Variants in IL1RAPL2 observed in about 807,000 individuals in gnomAD.
IL1RAPL2 encodes X-linked interleukin-1 receptor accessory protein-like 2.
In IL1RAPL2, 3 loss-of-function variants were observed where a neutral mutation model predicts 44.1. That is an observed-to-expected ratio of 0.07 (90% confidence interval 0.03 to 0.18). The LOEUF is 0.18. IL1RAPL2 is among the 10% of genes least tolerant of loss of function. The probability of loss-of-function intolerance (pLI) is 1.00; values close to 1 mark genes in which losing one functional copy is unlikely to be tolerated. For missense variants in IL1RAPL2, 391 were observed against 496.4 expected, an observed-to-expected ratio of 0.79 and a Z score of 2.02; for synonymous variants, 181 against 178.8, an observed-to-expected ratio of 1.01 and a Z score of -0.10.
chrX:104,910,224 C>T (rs1048000845), intron 2 of IL1RAPL2, among the ~76,000 whole-genome samples: 4 of 111,746 alleles, frequency 3.6e-5, no homozygotes, highest in Admixed American at 9.4e-5. Context: ...GCTCACGGTG[C>T]GCGCACCCAC....
intron 6 of IL1RAPL2, among the ~76,000 whole-genome samples, chrX:105,686,369 C>T (rs1320978158): frequency 3.8e-5 from 1 of 26,369 alleles, no homozygotes; most frequent in Non-Finnish European, 6.4e-5. Context: ...ATCTACCAAG[C>T]AAATGGAAAG....
At chrX:105,627,887 A>G (rs1229259195) in intron 6 of IL1RAPL2, among the ~76,000 whole-genome samples, 1 of 112,063 alleles carries the variant, frequency 8.9e-6, no homozygotes, top group Non-Finnish European at 1.9e-5. Flanking sequence ...GCCATTCTAC[A>G]TATGGCAGGT....
At chrX:105,328,497 T>C (rs2034959144) in intron 5 of IL1RAPL2, among the ~76,000 whole-genome samples, 1 of 111,814 alleles carries the variant, frequency 8.9e-6, no homozygotes, top group Non-Finnish European at 1.9e-5. Context: ...GGTTTTAACC[T>C]GTTAAGGTTT....
intron 2 of IL1RAPL2, among the ~76,000 whole-genome samples, chrX:104,925,351 CTA>C (rs1395941629): frequency 2.4e-4 from 27 of 110,355 alleles, no homozygotes; most frequent in African/African-American, 8.3e-4. Flanking sequence ...CCAACTCATT[CTA>C]TGAGGCCAGC....
intron 6 of IL1RAPL2, among the ~76,000 whole-genome samples, chrX:105,693,546 G>A (rs1035166928): frequency 7.1e-5 from 8 of 111,955 alleles, no homozygotes; most frequent in African/African-American, 2.6e-4. Flanking sequence ...GCAGATGCTG[G>A]TCCATGCTTG....
chrX:105,085,302 A>T (rs1348864225), intron 2 of IL1RAPL2, among the ~76,000 whole-genome samples: 1 of 112,458 alleles, frequency 8.9e-6, no homozygotes, highest in Non-Finnish European at 1.9e-5. Flanking sequence ...GCCAAAATAT[A>T]TAAGCAACTC....
At chrX:105,386,860 A>C (rs1437625722) in intron 5 of IL1RAPL2, among the ~76,000 whole-genome samples, 1 of 111,605 alleles carries the variant, frequency 9.0e-6, no homozygotes. Flanking sequence ...CTCTGCCATT[A>C]TTCTATTATA....
chrX:105,397,244 T>G (rs1268026887), intron 5 of IL1RAPL2, among the ~76,000 whole-genome samples: 1 of 110,762 alleles, frequency 9.0e-6, no homozygotes, highest in Admixed American at 9.7e-5. Context: ...ATAAACTACC[T>G]AATAAATGTA....
intron 2 of IL1RAPL2, among the ~76,000 whole-genome samples, chrX:104,918,371 CA>C (rs1228172034): frequency 2.7e-5 from 3 of 111,104 alleles, no homozygotes; most frequent in Non-Finnish European, 5.7e-5. Context: ...CCTCATTCAT[CA>C]ACAAGTGATC....
chrX:105,136,013 C>T (rs1043957170), intron 2 of IL1RAPL2, among the ~76,000 whole-genome samples: 2 of 111,919 alleles, frequency 1.8e-5, no homozygotes, highest in Non-Finnish European at 3.8e-5. Context: ...GCCAAGCAGG[C>T]AGTATCATTA....
In IL1RAPL2 at chrX:105,212,901, G is replaced by C. The variant is rs1438631320; in HGVS notation, c.356+17153G>C. On this transcript the variant is annotated intron_variant, in intron 3 of 10. Coordinates refer to ENST00000372582, the MANE Select transcript of IL1RAPL2 (RefSeq NM_017416.2). Reference sequence around the variant, plus strand: ...CAGAAGAGGGACGTGACTGTTAGAAGAAAAACTAACAAACAGAAACCAACA... The same window carrying C: ...CAGAAGAGGGACGTGACTGTTAGAACAAAAACTAACAAACAGAAACCAACA... Among the ~76,000 whole-genome samples, 3 of 112,096 alleles carry C rather than the reference G, an allele frequency of 2.7e-5. No homozygotes were observed. In the Admixed American group the frequency reaches 2.8e-4, roughly 11 times the overall value.
At chrX:105,653,510 C>T (rs1046150087) in intron 6 of IL1RAPL2, among the ~76,000 whole-genome samples, 2 of 109,651 alleles carry the variant, frequency 1.8e-5, no homozygotes, top group African/African-American at 6.6e-5. Flanking sequence ...TTCTTCCCTC[C>T]CTTCCTCCTT....
intron 2 of IL1RAPL2, among the ~76,000 whole-genome samples, chrX:104,710,295 T>C (rs1206385939): frequency 9.0e-6 from 1 of 111,423 alleles, no homozygotes; most frequent in Non-Finnish European, 1.9e-5. Flanking sequence ...AATGGAATAT[T>C]ATTTAGCCGT....
At chrX:104,891,633 C>T (rs1013686835) in intron 2 of IL1RAPL2, among the ~76,000 whole-genome samples, 2 of 111,983 alleles carry the variant, frequency 1.8e-5, no homozygotes, top group Non-Finnish European at 3.8e-5. Flanking sequence ...GTGATTTTTG[C>T]ACATTGATTT....
intron 2 of IL1RAPL2, among the ~76,000 whole-genome samples, chrX:105,011,942 T>A (rs1487940794): frequency 2.7e-5 from 3 of 111,183 alleles, no homozygotes; most frequent in African/African-American, 9.8e-5. Context: ...TAACTTCAGA[T>A]GCCCCTTAAA....
chrX:105,388,148 CAAAAAAAAAAAAAAAAAAAAAAAAAA>C lies in IL1RAPL2; in HGVS notation c.698-96150_698-96125del, dbSNP rs760730401. Among the ~76,000 whole-genome samples the C allele has an allele frequency of 3.7e-3, 20 of 5,386 alleles. 2 individuals carry two copies. Among genetic ancestry groups the C allele is most frequent in the Admixed American group, 8.0e-3 (2 of 249 alleles). 4.7% of individuals were successfully genotyped at this position (5,386 alleles called of 115,157 possible). On this transcript the variant is annotated intron_variant, in intron 5 of 10. Coordinates refer to ENST00000372582, the MANE Select transcript of IL1RAPL2 (RefSeq NM_017416.2). ...GGGCAACAAGAGCGAAACTCCATCT[CAAAAAAAAAAAAAAAAAAAAAAAAAA>C]AAAAAAAAAAAAAAGGATAATTGAA...
chrX:104,953,794 C>T (rs1925644438), intron 2 of IL1RAPL2, among the ~76,000 whole-genome samples: 1 of 111,834 alleles, frequency 8.9e-6, no homozygotes, highest in Non-Finnish European at 1.9e-5. Flanking sequence ...TTTAGTCACC[C>T]TAATCAACAA....
At chrX:105,427,638 T>C (rs926103027) in intron 5 of IL1RAPL2, among the ~76,000 whole-genome samples, 2 of 112,136 alleles carry the variant, frequency 1.8e-5, no homozygotes, top group African/African-American at 6.5e-5. Flanking sequence ...GGATCAAATC[T>C]GAAAGCGTAT....
intron 6 of IL1RAPL2, among the ~76,000 whole-genome samples, chrX:105,610,857 G>A (rs1808620417): frequency 1.1e-5 from 1 of 94,333 alleles, no homozygotes; most frequent in Admixed American, 1.3e-4. Context: ...TTATTTTGGC[G>A]TGTACTCCTA....
Sources: allele counts gnomAD v4.1 joint callset (sites outside exome capture counted in the v4.1 genomes callset), GRCh38; gene constraint gnomAD v4.1.1; transcripts MANE v1.5; gene names NCBI Gene and HGNC (gene_info 2026-07-23, HGNC 2026-07-21).